The following ZNF75A variants were observed in gnomAD, a reference collection of about 807,000 sequenced individuals.
The protein encoded by ZNF75A is zinc finger protein 75A.
In ZNF75A, 36 loss-of-function variants were observed where a neutral mutation model predicts 46.3. The ratio of observed to expected loss-of-function variants is 0.78; its 90% CI spans 0.60 to 1.03. The LOEUF (loss-of-function observed/expected upper bound fraction) is 1.03, where lower values mean the gene tolerates loss of function less well. Ranked by LOEUF, ZNF75A falls within the 50% of genes least tolerant of loss-of-function variation. ZNF75A has a pLI of 0.00. For synonymous variants in ZNF75A, 234 were observed against 189.9 expected (o/e 1.23, Z -1.91); for missense variants, 595 against 551.3 (o/e 1.08, Z -0.79).
chr16:3,311,573 C>T (rs1960799313), intron 2 of ZNF75A, 180 bp from the exon 3 acceptor site: 1 of 161,446 alleles, frequency 6.2e-6, no homozygotes, highest in African/African-American at 2.4e-5. Context: ...CTAGTTTTCT[C>T]ATATTTGTGT....
chr16:3,306,363 G>A (rs1960238930), intron 1 of ZNF75A: 1 of 152,260 alleles, frequency 6.6e-6, no homozygotes, highest in Middle Eastern at 3.4e-3. Flanking sequence ...TTTACAAGTT[G>A]ATATTTTGTA....
chr16:3,315,487 G>A (rs1376327435), intron 5 of ZNF75A, among the ~76,000 whole-genome samples: 1 of 152,086 alleles, frequency 6.6e-6, no homozygotes. Flanking sequence ...GAGCCACCGT[G>A]CCCAGCTAGT....
In ZNF75A at chr16:3,318,629, C is replaced by T; in HGVS notation, c.*760C>T. The T allele has an allele frequency of 1.0e-6, 1 of 985,410 alleles. No individual in the cohort carries two copies. The highest frequency in any genetic ancestry group is 1.2e-6 in the Non-Finnish European group (1 of 829,932). 61.0% of individuals were successfully genotyped at this position (985,410 alleles called of 1,614,324 possible). On this transcript the variant is annotated 3_prime_UTR_variant, in exon 7 of 7. Transcript: ENST00000669516. ...AAGCAGCTATAAAAATTAGTACTTG[C>T]CCAAGGCCTGAAAGAGAATTAGTGG...
intron 6 of ZNF75A, 28 bp from the exon 7 acceptor site, chr16:3,317,162 A>G (rs1350229070): frequency 6.3e-7 from 1 of 1,579,904 alleles, no homozygotes; most frequent in African/African-American, 1.4e-5. Context: ...TCTGGGATAC[A>G]GATGTGTGAT....
chr16:3,307,625 C>CT (rs1051804389), intron 1 of ZNF75A: 9 of 151,978 alleles, frequency 5.9e-5, no homozygotes, highest in African/African-American at 1.5e-4. Context: ...TCAGGCGACT[C>CT]TCCCACCTCA....
chr16:3,317,926 C>A lies in ZNF75A; in HGVS notation c.*57C>A. On this transcript the variant is annotated 3_prime_UTR_variant, in exon 7 of 7. Coordinates refer to ENST00000669516, the MANE Select transcript of ZNF75A (RefSeq NM_001302109.2). ...GACATTCACCAAATGGAGCTTGGCA[C>A]TAAAATTTATGTAAAAGAAAAATCA... The A allele has an allele frequency of 6.7e-7, 1 of 1,498,866 alleles. No individual in the cohort carries two copies. Among genetic ancestry groups the A allele is most frequent in the Non-Finnish European group, 8.9e-7 (1 of 1,125,596 alleles). 92.8% of individuals were successfully genotyped at this position (1,498,866 alleles called of 1,614,324 possible).
rs1961359902 is a variant in ZNF75A at position 3,318,023 on chromosome 16, C to G, written c.*154C>G. ...TCACAGAAAATAATCAAGACTTGCT[C>G]TGCAGCCACTCAGTAGTCTTCTGTG... On this transcript the variant is annotated 3_prime_UTR_variant, in exon 7 of 7. Transcript: ENST00000669516. The G allele has an allele frequency of 7.1e-7, 1 of 1,418,264 alleles. No homozygotes were observed. Among genetic ancestry groups the G allele is most frequent in the South Asian group, 1.6e-5 (1 of 61,738 alleles). The allele number at this position is 1,418,264 out of a possible 1,614,324, so 87.9% of individuals were successfully genotyped here. A position where few individuals can be genotyped will look rare whatever the true frequency, so the allele number is the denominator to read the frequency against.
At chr16:3,312,990 T>G (rs1409024846) in intron 4 of ZNF75A, 59 bp from the exon 5 acceptor site, 1 of 1,535,636 alleles carries the variant, frequency 6.5e-7, no homozygotes, top group Non-Finnish European at 8.7e-7. Context: ...CATAGCCAGG[T>G]GGCTAGGCTG....
intron 3 of ZNF75A, 109 bp downstream of exon 3, chr16:3,312,057 C>G (rs1960847080): frequency 4.1e-6 from 2 of 485,202 alleles, no homozygotes; most frequent in Non-Finnish European, 5.4e-6. Flanking sequence ...ATTTGTAAAA[C>G]CAGCCTTGAT....
chr16:3,321,268 C>T (rs538668324), downstream of ZNF75A, among the ~76,000 whole-genome samples: 2 of 152,294 alleles, frequency 1.3e-5, no homozygotes, highest in African/African-American at 4.8e-5. Flanking sequence ...CATAAACCGG[C>T]AGATGATTTC....
chr16:3,319,538 C>T (rs1186485357), downstream of ZNF75A, among the ~76,000 whole-genome samples: 2 of 152,190 alleles, frequency 1.3e-5, no homozygotes, highest in Non-Finnish European at 2.9e-5. Flanking sequence ...GTGTGGCTTT[C>T]TTTCTGGCCC....
In ZNF75A at chr16:3,318,077, T is replaced by C; in HGVS notation, c.*208T>C. ...ACAGAAGTAAACATTGTTGGCTTTG[T>C]ATTGATCTCTCCAGTCATTTTTGAA... On this transcript the variant is annotated 3_prime_UTR_variant, in exon 7 of 7. Transcript: ENST00000669516. 7.4e-7 allele frequency: 1 copy of C among 1,357,996 alleles called. No individual in the cohort carries two copies. The highest frequency in any genetic ancestry group is 9.4e-7 in the Non-Finnish European group (1 of 1,060,164). 84.1% of individuals were successfully genotyped at this position (1,357,996 alleles called of 1,614,324 possible).
chr16:3,307,707 GT>G (rs1207021491), intron 1 of ZNF75A: 1 of 141,912 alleles, frequency 7.0e-6, no homozygotes, highest in Non-Finnish European at 1.5e-5. Flanking sequence ...CAAATTTTGT[GT>G]TTTGTAGAGA....
intron 5 of ZNF75A, chr16:3,315,198 T>TG (rs1046479239): frequency 1.5e-6 from 1 of 668,464 alleles, no homozygotes; most frequent in African/African-American, 2.0e-5. Context: ...GTTTTTTTTT[T>TG]TTTTTTTTTT....
At chr16:3,316,884 C>A in intron 5 of ZNF75A, 28 bp from the exon 6 acceptor site, 1 of 1,529,612 alleles carries the variant, frequency 6.5e-7, no homozygotes, top group Non-Finnish European at 9.0e-7. Context: ...AGTTACCAGT[C>A]CTTGACCTCA....
chr16:3,314,607 C>G (rs924169608), intron 5 of ZNF75A: 3 of 942,542 alleles, frequency 3.2e-6, no homozygotes, highest in Non-Finnish European at 3.8e-6. Flanking sequence ...CTGCCTTCGC[C>G]CCCGTGGGCC....
intron 5 of ZNF75A, among the ~76,000 whole-genome samples, chr16:3,313,973 C>G (rs764200180): frequency 4.6e-5 from 7 of 152,124 alleles, no homozygotes; most frequent in Non-Finnish European, 1.0e-4. Flanking sequence ...ATTTGGCACA[C>G]TGGGCTTCCT....
downstream of ZNF75A, among the ~76,000 whole-genome samples, chr16:3,321,019 C>T (rs965545940): frequency 2.0e-5 from 3 of 152,120 alleles, no homozygotes; most frequent in African/African-American, 4.8e-5. Context: ...AACATGATGT[C>T]TCATAACAAC....
chr16:3,313,736 A>T (rs1325391876), intron 5 of ZNF75A, among the ~76,000 whole-genome samples: 1 of 152,144 alleles, frequency 6.6e-6, no homozygotes, highest in Non-Finnish European at 1.5e-5. Context: ...TTAAAAACCT[A>T]ATCAGATCAT....
Sources: allele counts gnomAD v4.1 joint callset (sites outside exome capture counted in the v4.1 genomes callset), GRCh38; gene constraint gnomAD v4.1.1; transcripts MANE v1.5; gene names NCBI Gene and HGNC (gene_info 2026-07-23, HGNC 2026-07-21).